RNF168: variants seen among roughly 807,000 people sequenced by gnomAD.
The protein encoded by RNF168 is ring finger protein 168, also known as E3 ubiquitin-protein ligase RNF168.
A neutral mutation model predicts 34.9 loss-of-function variants in RNF168; 34 were observed. That is an observed-to-expected ratio of 0.97 (90% confidence interval 0.74 to 1.30). RNF168 has a LOEUF of 1.30. RNF168 is among the 50% of genes most tolerant of loss of function. The pLI is 0.00. For missense variants in RNF168, 725 were observed against 682.5 expected (o/e 1.06, Z -0.69); for synonymous variants, 264 against 254.7 (o/e 1.04, Z -0.35).
chr3:196,484,701 T>C (rs1233256567), intron 3 of RNF168, among the ~76,000 whole-genome samples: 1 of 152,106 alleles, frequency 6.6e-6, no homozygotes, highest in African/African-American at 2.4e-5. Context: ...TCATCCAGGC[T>C]GGACTGCAGT....
intron 1 of RNF168, among the ~76,000 whole-genome samples, chr3:196,496,859 C>T (rs766755512): frequency 9.9e-5 from 15 of 152,180 alleles, no homozygotes; most frequent in Non-Finnish European, 1.8e-4. Context: ...AATAAATATA[C>T]GGAGGACGGG....
rs1320954665 is a variant in RNF168 at position 196,472,101 on chromosome 3, A to G, written c.1434T>C (p.Ala478=). 3 of 1,613,416 alleles carry G rather than the reference A, an allele frequency of 1.9e-6. No homozygotes were observed. The highest frequency in any genetic ancestry group is 2.5e-6 in the Non-Finnish European group (3 of 1,179,720). ...KGSPDEYHLR[A]TSSPPDKVLN... ...GCACTTTGTCTGGAGGGGAGGATGT[A>G]GCGCGTAAGTGATACTCATCTGGGG... The change falls in exon 6 of 6, where the codon GCT becomes GCC. Residue 478 remains alanine (A), a synonymous_variant. Coordinates refer to ENST00000318037, the MANE Select transcript of RNF168 (RefSeq NM_152617.4).
At chr3:196,482,134 G>A (rs1399702170) in intron 4 of RNF168, among the ~76,000 whole-genome samples, 6 of 151,964 alleles carry the variant, frequency 3.9e-5, no homozygotes, top group African/African-American at 9.7e-5. Flanking sequence ...GATACGGCAC[G>A]TAAAGCCTTC....
At chr3:196,492,239 C>G (rs1432904522) in intron 1 of RNF168, among the ~76,000 whole-genome samples, 1 of 152,216 alleles carries the variant, frequency 6.6e-6, no homozygotes, top group East Asian at 1.9e-4. Flanking sequence ...TGGCTCATGC[C>G]TGTAATCCCA....
intron 5 of RNF168, among the ~76,000 whole-genome samples, chr3:196,474,609 G>A (rs1008428682): frequency 4.6e-5 from 7 of 151,882 alleles, no homozygotes; most frequent in South Asian, 2.1e-4. Flanking sequence ...CACCACACCC[G>A]GCTAATTTTG....
At chr3:196,485,939 T>C (rs947196693) in intron 3 of RNF168, among the ~76,000 whole-genome samples, 1 of 152,152 alleles carries the variant, frequency 6.6e-6, no homozygotes, top group Admixed American at 6.6e-5. Context: ...CTAGGTCCCA[T>C]CCCTAGAGAC....
In RNF168 at chr3:196,472,250, G is replaced by C; in HGVS notation, c.1285C>G (p.Leu429Val). 1.9e-6 allele frequency: 3 copies of C among 1,613,948 alleles called. No homozygotes were observed. Among genetic ancestry groups the C allele is most frequent in the Non-Finnish European group, 2.5e-6 (3 of 1,179,848 alleles). ...EETEINFTQK[L>V]IDLEHLLFER... ...AACAGTAGATGCTCCAAATCTATCA[G>C]TTTTTGGGTAAAGTTTATTTCTGTT... The change falls in exon 6 of 6, where the codon CTG becomes GTG. Residue 429 changes from leucine to valine, a missense_variant. Transcript: ENST00000318037.
intron 1 of RNF168, among the ~76,000 whole-genome samples, chr3:196,492,489 G>A (rs1408890062): frequency 6.6e-6 from 1 of 151,822 alleles, no homozygotes; most frequent in Non-Finnish European, 1.5e-5. Flanking sequence ...AAAATAAAAA[G>A]CCCAGGCAAG....
intron 1 of RNF168, among the ~76,000 whole-genome samples, chr3:196,499,839 T>C (rs1486098494): frequency 2.0e-5 from 3 of 152,198 alleles, no homozygotes; most frequent in African/African-American, 7.2e-5. Context: ...GAGCACAGGA[T>C]TTGAATAGAT....
chr3:196,491,991 G>C (rs955230840), intron 1 of RNF168, among the ~76,000 whole-genome samples: 2 of 152,136 alleles, frequency 1.3e-5, no homozygotes, highest in African/African-American at 2.4e-5. Flanking sequence ...GGGGTGAATG[G>C]GGAATTAATT....
At chr3:196,500,034 A>G (rs894904122) in intron 1 of RNF168, among the ~76,000 whole-genome samples, 2 of 152,194 alleles carry the variant, frequency 1.3e-5, no homozygotes, top group African/African-American at 4.8e-5. Flanking sequence ...GAGAAACTGG[A>G]CACCCACGCA....
intron 1 of RNF168, among the ~76,000 whole-genome samples, chr3:196,493,973 C>T (rs1732674416): frequency 6.6e-6 from 1 of 151,686 alleles, no homozygotes; most frequent in Non-Finnish European, 1.5e-5. Context: ...CTGCCTGAGC[C>T]TCCCATGTAG....
chr3:196,502,143 C>T (rs925758087), intron 1 of RNF168, among the ~76,000 whole-genome samples: 3 of 147,906 alleles, frequency 2.0e-5, no homozygotes, highest in Non-Finnish European at 4.5e-5. Context: ...CACCGCCCGG[C>T]TTATTGCTCA....
chr3:196,490,428 T>C (rs2108651523), intron 1 of RNF168, among the ~76,000 whole-genome samples: 2 of 152,276 alleles, frequency 1.3e-5, no homozygotes, highest in Non-Finnish European at 2.9e-5. Flanking sequence ...CCGTGCCATA[T>C]TTTTTGCTTT....
intron 4 of RNF168, 48 bp downstream of exon 4, chr3:196,483,722 G>A (rs367616237): frequency 9.8e-6 from 15 of 1,523,004 alleles, no homozygotes; most frequent in African/African-American, 1.4e-5. Context: ...AGAAAACACT[G>A]GCATACAGTA....
chr3:196,493,739 G>C (rs1331730311), intron 1 of RNF168, among the ~76,000 whole-genome samples: 1 of 152,060 alleles, frequency 6.6e-6, no homozygotes, highest in African/African-American at 2.4e-5. Context: ...TGTTGGCCAG[G>C]CTGGTCTTGA....
chr3:196,487,657 AG>A, intron 2 of RNF168, 79 bp from the exon 3 acceptor site: 1 of 1,351,308 alleles, frequency 7.4e-7, no homozygotes, highest in Non-Finnish European at 1.1e-6. Context: ...AGAATAGAAA[AG>A]TAGAAAAAGA....
intron 3 of RNF168, among the ~76,000 whole-genome samples, chr3:196,486,337 T>G (rs998048989): frequency 1.3e-5 from 2 of 151,950 alleles, no homozygotes; most frequent in African/African-American, 4.8e-5. Context: ...CCTTTTTAGG[T>G]CAATAAAGAA....
Position 196,471,876 on chromosome 3 carries a change from T to A in RNF168, c.1659A>T (p.Leu553=), listed in dbSNP as rs529342621. The A allele has an allele frequency of 6.2e-7, 1 of 1,614,084 alleles. No individual in the cohort carries two copies. Among genetic ancestry groups the A allele is most frequent in the South Asian group, 1.1e-5 (1 of 91,082 alleles). Residue 553 remains leucine (L), a synonymous_variant, in exon 6 of 6, where the codon CTA becomes CTT. Transcript: ENST00000318037. ...HCKVSKSAHS[L]QPSISQKSVF... The stretch of plus-strand genomic sequence containing the variant: ...CACTTTTCTGTGAAATGCTAGGCTG[T>A]AGGGAGTGAGCACTTTTGGATACCT...
Sources: gnomAD v4.1 joint callset for allele counts (sites outside exome capture counted in the v4.1 genomes callset) on GRCh38, gnomAD v4.1.1 for gene constraint, MANE v1.5 for transcripts, NCBI Gene and HGNC (gene_info 2026-07-23, HGNC 2026-07-21) for gene names.